XKR9: variants seen among roughly 807,000 people sequenced by gnomAD.
The protein encoded by XKR9 is XK related 9, also known as XK-related protein 9.
XKR9 carries 32 observed loss-of-function variants against 32.0 expected under a neutral mutation model. The observed-to-expected ratio is 1.00, with a 90% CI of 0.76 to 1.34. XKR9 has a LOEUF of 1.34. Among genes scored for constraint, XKR9 ranks in the 40% most tolerant of loss-of-function variants. The probability of loss-of-function intolerance (pLI) is 0.00; values close to 1 mark genes in which losing one functional copy is unlikely to be tolerated. For synonymous variants in XKR9, 168 were observed against 143.4 expected (o/e 1.17, Z -1.22); for missense variants, 546 against 429.7 (o/e 1.27, Z -2.39).
chr8:70,936,044 A>G, the XKR9 span, among the ~76,000 whole-genome samples: 1 of 151,982 alleles, frequency 6.6e-6, no homozygotes, highest in African/African-American at 2.4e-5. Flanking sequence ...GTCTTGGTGG[A>G]TAAGAAACTG....
the XKR9 span, among the ~76,000 whole-genome samples, chr8:70,854,624 C>T: frequency 8.6e-5 from 13 of 151,832 alleles, no homozygotes; most frequent in Non-Finnish European, 1.9e-4. Flanking sequence ...TGGTATTGCC[C>T]AGGTTTTCTT....
chr8:70,972,355 A>T, the XKR9 span, among the ~76,000 whole-genome samples: 1 of 152,024 alleles, frequency 6.6e-6, no homozygotes, highest in Admixed American at 6.6e-5. Context: ...CAGCTCTAGG[A>T]GCTATTTGCT....
intron 4 of XKR9, among the ~76,000 whole-genome samples, chr8:70,725,484 G>A (rs955069638): frequency 7.5e-6 from 1 of 132,664 alleles, no homozygotes; most frequent in Non-Finnish European, 1.8e-5. Flanking sequence ...ATCTAGAAGA[G>A]TTGATAGTGA....
the XKR9 span, among the ~76,000 whole-genome samples, chr8:70,812,133 C>T: frequency 6.6e-6 from 1 of 152,170 alleles, no homozygotes; most frequent in South Asian, 2.1e-4. Flanking sequence ...AAGGCTAGTT[C>T]AACATACGCA....
the XKR9 span, among the ~76,000 whole-genome samples, chr8:70,797,260 A>G: frequency 1.2e-4 from 19 of 152,218 alleles, no homozygotes; most frequent in South Asian, 2.3e-3. Context: ...TGGAGAGTAG[A>G]GGGTGTCACC....
chr8:70,784,305 T>A (rs1807654859), intron 2 of XKR9, among the ~76,000 whole-genome samples: 1 of 152,192 alleles, frequency 6.6e-6, no homozygotes. Context: ...ATATGGACAT[T>A]TTCACACTAT....
chr8:70,976,580 G>A, the XKR9 span, among the ~76,000 whole-genome samples: 1 of 152,150 alleles, frequency 6.6e-6, no homozygotes, highest in Non-Finnish European at 1.5e-5. Context: ...CTTGATCTTG[G>A]TGCATAAACT....
chr8:70,889,542 A>G, the XKR9 span, among the ~76,000 whole-genome samples: 1 of 151,704 alleles, frequency 6.6e-6, no homozygotes, highest in African/African-American at 2.4e-5. Context: ...TAGTTTTTCA[A>G]CAGTTACTCC....
At chr8:70,961,246 G>T in the XKR9 span, among the ~76,000 whole-genome samples, 1 of 152,108 alleles carries the variant, frequency 6.6e-6, no homozygotes, top group Non-Finnish European at 1.5e-5. Context: ...TAGAAGCAGA[G>T]GTATAGAGGA....
intron 3 of XKR9, among the ~76,000 whole-genome samples, chr8:70,696,641 G>A (rs1337758033): frequency 6.9e-6 from 1 of 144,634 alleles, no homozygotes; most frequent in Admixed American, 6.9e-5. Context: ...TGTTCTTTTG[G>A]CTTAGGATTG....
chr8:71,010,033 C>T, the XKR9 span, among the ~76,000 whole-genome samples: 7 of 152,130 alleles, frequency 4.6e-5, no homozygotes, highest in Non-Finnish European at 1.0e-4. Context: ...TTCAACCGAC[C>T]CTGATCTGTG....
intron 2 of XKR9, among the ~76,000 whole-genome samples, chr8:70,780,084 G>A (rs187707391): frequency 2.0e-3 from 308 of 151,574 alleles, no homozygotes; most frequent in African/African-American, 6.8e-3. Context: ...TTCTCTTGTG[G>A]GCATTTACTG....
At chr8:70,678,260 A>G (rs965873944) in intron 2 of XKR9, 3 of 152,112 alleles carry the variant, frequency 2.0e-5, no homozygotes, top group African/African-American at 7.2e-5. Context: ...ACCTTCTAAT[A>G]TATTTGATTT....
At chr8:70,970,610 T>C in the XKR9 span, among the ~76,000 whole-genome samples, 1 of 152,176 alleles carries the variant, frequency 6.6e-6, no homozygotes, top group East Asian at 1.9e-4. Flanking sequence ...AGAATGATGG[T>C]TTCCAGCTTC....
At chr8:70,949,108 TA>T in the XKR9 span, among the ~76,000 whole-genome samples, 3 of 151,706 alleles carry the variant, frequency 2.0e-5, no homozygotes, top group Admixed American at 2.0e-4. Context: ...CACATTTAAG[TA>T]AAAAAAAATT....
intron 2 of XKR9, among the ~76,000 whole-genome samples, chr8:70,788,293 G>T (rs945000213): frequency 6.6e-6 from 1 of 152,072 alleles, no homozygotes; most frequent in East Asian, 1.9e-4. Flanking sequence ...AGCTCATAAG[G>T]TTGTAACAGA....
chr8:70,832,555 G>A, the XKR9 span, among the ~76,000 whole-genome samples: 1 of 151,982 alleles, frequency 6.6e-6, no homozygotes, highest in Admixed American at 6.6e-5. Context: ...GTTGTAGCAG[G>A]GTTTTCAACA....
the XKR9 span, among the ~76,000 whole-genome samples, chr8:70,943,611 T>A: frequency 2.0e-5 from 3 of 152,106 alleles, no homozygotes; most frequent in South Asian, 6.2e-4. Context: ...AGGTAATAGG[T>A]CTTTTTTACT....
At chr8:70,961,372 G>A in the XKR9 span, among the ~76,000 whole-genome samples, 1 of 152,146 alleles carries the variant, frequency 6.6e-6, no homozygotes, top group Admixed American at 6.5e-5. Flanking sequence ...AAGGCAGGTG[G>A]AAGAAATCCT....
Sources: allele counts gnomAD v4.1 joint callset (sites outside exome capture counted in the v4.1 genomes callset), GRCh38; gene constraint gnomAD v4.1.1; transcripts MANE v1.5; gene names NCBI Gene and HGNC (gene_info 2026-07-23, HGNC 2026-07-21).